Variants in PARD3B observed in about 807,000 individuals in gnomAD.
The protein encoded by PARD3B is partitioning defective 3 homolog B.
PARD3B carries 103 observed loss-of-function variants against 130.2 expected under a neutral mutation model. That is an observed-to-expected ratio of 0.79 (90% CI 0.67 to 0.93). The LOEUF (loss-of-function observed/expected upper bound fraction) is 0.93, where lower values mean the gene tolerates loss of function less well. Ranked by LOEUF, PARD3B falls within the 40% of genes least tolerant of loss-of-function variation. PARD3B has a pLI of 0.00. For missense variants in PARD3B, 1,609 were observed against 1,499.2 expected, an observed-to-expected ratio of 1.07 and a Z score of -1.21; for synonymous variants, 583 against 553.2, an observed-to-expected ratio of 1.05 and a Z score of -0.76.
chr2:205,060,048 G>T (rs1176700730), intron 4 of PARD3B, among the ~76,000 whole-genome samples: 1 of 152,058 alleles, frequency 6.6e-6, no homozygotes, highest in Non-Finnish European at 1.5e-5. Flanking sequence ...GAACTAACAA[G>T]TAGCAGTGCT....
At chr2:204,731,973 G>T (rs1214054111) in intron 2 of PARD3B, among the ~76,000 whole-genome samples, 1 of 151,968 alleles carries the variant, frequency 6.6e-6, no homozygotes, top group Non-Finnish European at 1.5e-5. Context: ...GGGAAGGGAG[G>T]TTTAACAAGT....
At chr2:205,024,437 G>A (rs1696866287) in intron 3 of PARD3B, among the ~76,000 whole-genome samples, 1 of 151,980 alleles carries the variant, frequency 6.6e-6, no homozygotes, top group African/African-American at 2.4e-5. Flanking sequence ...CCAAAGTGCT[G>A]GGATTACAGG....
At chr2:204,736,753 T>C (rs1265670908) in intron 2 of PARD3B, among the ~76,000 whole-genome samples, 3 of 152,310 alleles carry the variant, frequency 2.0e-5, no homozygotes, top group Non-Finnish European at 4.4e-5. Flanking sequence ...TGTGCAAGTG[T>C]CTTTTCATAG....
At chr2:204,742,790 A>G (rs887922173) in intron 2 of PARD3B, among the ~76,000 whole-genome samples, 1 of 152,186 alleles carries the variant, frequency 6.6e-6, no homozygotes, top group African/African-American at 2.4e-5. Context: ...GTAACATAGG[A>G]TAGTGTTTTA....
intron 3 of PARD3B, among the ~76,000 whole-genome samples, chr2:205,034,127 C>A (rs72927564): frequency 6.6e-6 from 1 of 152,154 alleles, no homozygotes; most frequent in Non-Finnish European, 1.5e-5. Context: ...TTCATGACCT[C>A]CAAAGTTCTC....
chr2:205,303,596 C>G (rs183507851), intron 18 of PARD3B, among the ~76,000 whole-genome samples: 24 of 152,282 alleles, frequency 1.6e-4, no homozygotes, highest in African/African-American at 5.3e-4. Context: ...ACCGCTCCTC[C>G]TCACCCCACC....
intron 15 of PARD3B, among the ~76,000 whole-genome samples, chr2:205,220,305 C>G (rs2038170726): frequency 6.6e-6 from 1 of 152,128 alleles, no homozygotes; most frequent in African/African-American, 2.4e-5. Context: ...TGTTCTCTCT[C>G]CAGGCTCCCT....
At chr2:204,627,766 A>G (rs1327680471) in intron 1 of PARD3B, among the ~76,000 whole-genome samples, 1 of 152,130 alleles carries the variant, frequency 6.6e-6, no homozygotes, top group Non-Finnish European at 1.5e-5. Flanking sequence ...TTTTAATCCC[A>G]GAAAAAGACT....
At chr2:205,130,264 CTG>C (rs1221528567) in intron 10 of PARD3B, among the ~76,000 whole-genome samples, 1 of 152,136 alleles carries the variant, frequency 6.6e-6, no homozygotes, top group Non-Finnish European at 1.5e-5. Flanking sequence ...GGCTAAACTG[CTG>C]TGTCTGTGTC....
At chr2:204,816,856 A>G (rs574054435) in intron 2 of PARD3B, among the ~76,000 whole-genome samples, 1 of 152,136 alleles carries the variant, frequency 6.6e-6, no homozygotes, top group Non-Finnish European at 1.5e-5. Context: ...TTAGAGAACA[A>G]TTACATGTGT....
chr2:204,714,319 C>A (rs1253808743), intron 2 of PARD3B, among the ~76,000 whole-genome samples: 1 of 152,080 alleles, frequency 6.6e-6, no homozygotes, highest in Admixed American at 6.5e-5. Flanking sequence ...TCACACATAA[C>A]CCTTTTCCTT....
intron 18 of PARD3B, among the ~76,000 whole-genome samples, chr2:205,347,641 A>T (rs1298896453): frequency 6.6e-6 from 1 of 152,220 alleles, no homozygotes. Context: ...TAATGAGATT[A>T]ATGAAAGATT....
chr2:204,674,707 CTG>C (rs950927979), intron 1 of PARD3B, among the ~76,000 whole-genome samples: 5 of 152,158 alleles, frequency 3.3e-5, no homozygotes, highest in African/African-American at 9.7e-5. Context: ...ATCCATAAAA[CTG>C]TGTTCAAGTG....
intron 22 of PARD3B, among the ~76,000 whole-genome samples, chr2:205,602,855 A>G (rs555134417): frequency 6.6e-6 from 1 of 151,698 alleles, no homozygotes; most frequent in East Asian, 1.9e-4. Context: ...TCATGTCTCT[A>G]TTTCCTTCAG....
intron 2 of PARD3B, among the ~76,000 whole-genome samples, chr2:204,809,392 G>C (rs1216856932): frequency 6.6e-6 from 1 of 151,856 alleles, no homozygotes; most frequent in African/African-American, 2.4e-5. Context: ...TGTCTTCCAG[G>C]GTTTTTATAG....
intron 2 of PARD3B, among the ~76,000 whole-genome samples, chr2:204,869,403 T>C (rs1338256881): frequency 1.3e-5 from 2 of 152,118 alleles, no homozygotes; most frequent in Admixed American, 6.6e-5. Context: ...ACAAGTAGGA[T>C]TGTGCTTCTG....
intron 1 of PARD3B, among the ~76,000 whole-genome samples, chr2:204,561,018 T>C (rs1184579454): frequency 2.8e-5 from 1 of 36,324 alleles, no homozygotes; most frequent in Non-Finnish European, 5.1e-5. Flanking sequence ...TATGCCTGTG[T>C]TCTGGCCACC....
At chr2:205,354,289 A>C (rs12472655) in intron 18 of PARD3B, among the ~76,000 whole-genome samples, 90,741 of 150,802 alleles carry the variant, frequency 0.6, 30,466 homozygotes, top group South Asian at 0.77. Context: ...CCGTTCAGTT[A>C]CCGGTCAGGG....
intron 22 of PARD3B, among the ~76,000 whole-genome samples, chr2:205,583,980 G>C (rs986095562): frequency 4.6e-5 from 7 of 152,172 alleles, no homozygotes; most frequent in Admixed American, 1.3e-4. Context: ...AATTTATAAA[G>C]AGCCATGTTA....
Sources: gnomAD v4.1 joint callset for allele counts (sites outside exome capture counted in the v4.1 genomes callset) on GRCh38, gnomAD v4.1.1 for gene constraint, MANE v1.5 for transcripts, NCBI Gene and HGNC (gene_info 2026-07-23, HGNC 2026-07-21) for gene names.